Variants in NHSL1 observed in about 807,000 individuals in gnomAD.
NHSL1 encodes NHS-like protein 1.
In NHSL1, 48 loss-of-function variants were observed where a neutral mutation model predicts 95.0. That is an observed-to-expected ratio of 0.51 (90% CI 0.40 to 0.64). The LOEUF is 0.64. NHSL1 is among the 30% of genes least tolerant of loss of function. NHSL1 has a pLI of 0.00. For synonymous variants in NHSL1, 783 were observed against 833.9 expected (o/e 0.94, Z 1.05); for missense variants, 1,971 against 2,077.7 (o/e 0.95, Z 1.00).
chr6:138,642,769 T>C (rs1019015042), intron 1 of NHSL1, among the ~76,000 whole-genome samples: 2 of 151,938 alleles, frequency 1.3e-5, no homozygotes, highest in Non-Finnish European at 2.9e-5. Context: ...TGGTAATTAG[T>C]AGGGAGAGCC....
At chr6:138,447,277 A>C in intron 3 of NHSL1, 84 bp from the exon 4 acceptor site, 1 of 1,197,536 alleles carries the variant, frequency 8.4e-7, no homozygotes, top group South Asian at 1.6e-5. Context: ...TTTTAAAAAA[A>C]TTGGACTGGT....
intron 1 of NHSL1, among the ~76,000 whole-genome samples, chr6:138,531,136 T>G (rs1782116168): frequency 6.6e-6 from 1 of 152,152 alleles, no homozygotes; most frequent in Admixed American, 6.5e-5. Context: ...AGAAATAAAA[T>G]TTGTGGCTTA....
chr6:138,478,428 T>G (rs960248550), intron 2 of NHSL1, among the ~76,000 whole-genome samples: 14 of 152,182 alleles, frequency 9.2e-5, no homozygotes, highest in African/African-American at 3.4e-4. Flanking sequence ...AGTAAACTCA[T>G]AAAATTCCAC....
At chr6:138,512,333 C>G (rs775386306) in intron 1 of NHSL1, 2 of 455,456 alleles carry the variant, frequency 4.4e-6, no homozygotes, top group South Asian at 3.1e-5. Context: ...CAATATATTA[C>G]ATTCATTATC....
intron 1 of NHSL1, among the ~76,000 whole-genome samples, chr6:138,523,638 A>AC (rs1219295521): frequency 4.6e-4 from 63 of 138,456 alleles, no homozygotes; most frequent in African/African-American, 1.7e-3. Context: ...AAAAAAAAAA[A>AC]AAAAAAAAAA....
intron 1 of NHSL1, among the ~76,000 whole-genome samples, chr6:138,523,983 A>G (rs1202727026): frequency 6.6e-6 from 1 of 152,176 alleles, no homozygotes; most frequent in East Asian, 1.9e-4. Context: ...CACATTACAG[A>G]CCTGAGATGT....
chr6:138,623,675 T>A (rs1259942232), intron 1 of NHSL1, among the ~76,000 whole-genome samples: 3 of 152,174 alleles, frequency 2.0e-5, no homozygotes, highest in African/African-American at 4.8e-5. Flanking sequence ...TCAGTCTCTC[T>A]CTTTGTTTTA....
chr6:138,453,046 G>A (rs536155676), intron 3 of NHSL1, among the ~76,000 whole-genome samples: 4 of 151,518 alleles, frequency 2.6e-5, no homozygotes, highest in African/African-American at 9.7e-5. Flanking sequence ...CGCAATCTTG[G>A]CTCACTGCAT....
intron 2 of NHSL1, among the ~76,000 whole-genome samples, chr6:138,492,062 A>C (rs1009994451): frequency 2.0e-5 from 3 of 152,216 alleles, no homozygotes; most frequent in Admixed American, 1.3e-4. Flanking sequence ...GCCTGTGACC[A>C]TCAAATTTTA....
At chr6:138,479,041 T>C (rs888379552) in intron 2 of NHSL1, among the ~76,000 whole-genome samples, 1 of 152,208 alleles carries the variant, frequency 6.6e-6, no homozygotes, top group African/African-American at 2.4e-5. Flanking sequence ...ATTTTTAATA[T>C]AGTAGTCCCT....
At chr6:138,522,161 A>AAGC (rs1781710926) in intron 1 of NHSL1, among the ~76,000 whole-genome samples, 1 of 152,236 alleles carries the variant, frequency 6.6e-6, no homozygotes, top group South Asian at 2.1e-4. Flanking sequence ...GGAGGTGAGA[A>AAGC]AGCAGATCAG....
intron 1 of NHSL1, among the ~76,000 whole-genome samples, chr6:138,578,056 C>T (rs2114477527): frequency 6.6e-6 from 1 of 152,296 alleles, no homozygotes; most frequent in South Asian, 2.1e-4. Context: ...CCTCAACTAC[C>T]ACTGCTTTAA....
intron 1 of NHSL1, among the ~76,000 whole-genome samples, chr6:138,508,319 T>C (rs1344781242): frequency 6.6e-6 from 1 of 152,168 alleles, no homozygotes; most frequent in Non-Finnish European, 1.5e-5. Flanking sequence ...TGTCCTGAGA[T>C]GTTAGAAATG....
chr6:138,472,663 C>T (rs924860137), intron 3 of NHSL1, among the ~76,000 whole-genome samples: 1 of 152,032 alleles, frequency 6.6e-6, no homozygotes, highest in Non-Finnish European at 1.5e-5. Context: ...AAATGAAAAT[C>T]TTCATATATT....
intron 3 of NHSL1, among the ~76,000 whole-genome samples, chr6:138,460,040 G>C (rs1224369540): frequency 1.3e-5 from 2 of 152,082 alleles, no homozygotes; most frequent in Non-Finnish European, 2.9e-5. Context: ...TCTTTGCCAG[G>C]TTTTGGCATC....
chr6:138,542,424 A>T (rs1308824272), intron 1 of NHSL1, among the ~76,000 whole-genome samples: 1 of 152,252 alleles, frequency 6.6e-6, no homozygotes, highest in Non-Finnish European at 1.5e-5. Flanking sequence ...TCTACTAACC[A>T]GTGCCAGTAG....
Position 138,478,012 on chromosome 6 carries a change from C to CTTTTTT in NHSL1, c.212-4585_212-4580dup, listed in dbSNP as rs71009589. On this transcript the variant is annotated intron_variant, in intron 2 of 7. Transcript: ENST00000343505. ...TTTTTTCACCATGAAATTTATGTCA[C>CTTTTTT]TTTTTTTTTTTTTTTTTTTTTTTTT... Among the ~76,000 whole-genome samples the CTTTTTT allele has an allele frequency of 4.1e-3, 123 of 30,014 alleles. 8 individuals are homozygous for CTTTTTT. Among genetic ancestry groups the CTTTTTT allele is most frequent in the Non-Finnish European group, 5.1e-3 (87 of 17,194 alleles). The allele number at this position is 30,014 out of a possible 152,430, so 19.7% of individuals were successfully genotyped here.
chr6:138,547,123 A>G (rs1782830398), upstream of NHSL1, among the ~76,000 whole-genome samples: 1 of 152,128 alleles, frequency 6.6e-6, no homozygotes, highest in East Asian at 1.9e-4. Context: ...TGGGGTGCTC[A>G]CTGCCACACA....
At chr6:138,472,046 G>C (rs1778786022) in intron 3 of NHSL1, among the ~76,000 whole-genome samples, 1 of 151,990 alleles carries the variant, frequency 6.6e-6, no homozygotes, top group East Asian at 1.9e-4. Context: ...GCCAAGCGTG[G>C]TGGCGTGTGC....
Sources: allele counts gnomAD v4.1 joint callset (sites outside exome capture counted in the v4.1 genomes callset), GRCh38; gene constraint gnomAD v4.1.1; transcripts MANE v1.5; gene names NCBI Gene and HGNC (gene_info 2026-07-23, HGNC 2026-07-21).